Variants in CNTNAP2 observed in about 807,000 individuals in gnomAD.
The protein encoded by CNTNAP2 is contactin-associated protein-like 2.
Under a neutral mutation model 155.2 loss-of-function variants are expected in CNTNAP2, and 98 were observed. The observed-to-expected ratio is 0.63, with a 90% CI of 0.54 to 0.75. The LOEUF is 0.75. Ranked by LOEUF, CNTNAP2 falls within the 30% of genes least tolerant of loss-of-function variation. The probability of loss-of-function intolerance (pLI) is 0.00; values close to 1 mark genes in which losing one functional copy is unlikely to be tolerated. For synonymous variants in CNTNAP2, 651 were observed against 631.2 expected (o/e 1.03, Z -0.47); for missense variants, 1,727 against 1,688.1 (o/e 1.02, Z -0.40).
intron 1 of CNTNAP2, among the ~76,000 whole-genome samples, chr7:146,633,172 G>A (rs1388184611): frequency 6.6e-6 from 1 of 152,138 alleles, no homozygotes; most frequent in East Asian, 1.9e-4. Flanking sequence ...ACACCCCGTA[G>A]ATTATACTTT....
chr7:146,924,529 G>A (rs1466636175), intron 3 of CNTNAP2, among the ~76,000 whole-genome samples: 1 of 152,122 alleles, frequency 6.6e-6, no homozygotes, highest in South Asian at 2.1e-4. Context: ...TAGGAGGTCA[G>A]CAGAGGAGAC....
intron 3 of CNTNAP2, among the ~76,000 whole-genome samples, chr7:146,844,051 C>T (rs1803796860): frequency 6.6e-6 from 1 of 151,992 alleles, no homozygotes. Context: ...AAATGGACAA[C>T]ATAAGTAATT....
intron 13 of CNTNAP2, among the ~76,000 whole-genome samples, chr7:147,751,286 G>A (rs1466284505): frequency 6.6e-6 from 1 of 151,162 alleles, no homozygotes; most frequent in Non-Finnish European, 1.5e-5. Context: ...TTAGTTGCTA[G>A]TAGGTGGTTT....
intron 1 of CNTNAP2, among the ~76,000 whole-genome samples, chr7:146,353,806 A>C (rs989558618): frequency 1.3e-5 from 2 of 152,050 alleles, no homozygotes; most frequent in African/African-American, 4.8e-5. Context: ...TAATAATAAT[A>C]AACTCCTCTG....
At chr7:146,469,989 A>G (rs1408701969) in intron 1 of CNTNAP2, among the ~76,000 whole-genome samples, 1 of 151,574 alleles carries the variant, frequency 6.6e-6, no homozygotes, top group East Asian at 2.0e-4. Flanking sequence ...ACAGGTGCCC[A>G]CCACCACGCC....
intron 1 of CNTNAP2, among the ~76,000 whole-genome samples, chr7:146,432,884 G>A (rs921246778): frequency 6.6e-6 from 1 of 152,150 alleles, no homozygotes; most frequent in Non-Finnish European, 1.5e-5. Flanking sequence ...GAGCACTAAT[G>A]AGTTGTAAGT....
chr7:146,388,755 C>G (rs1232678097), intron 1 of CNTNAP2, among the ~76,000 whole-genome samples: 1 of 152,116 alleles, frequency 6.6e-6, no homozygotes, highest in African/African-American at 2.4e-5. Context: ...TCCTCACCAG[C>G]CCCCCACTAC....
chr7:146,147,984 G>A (rs1797980263), intron 1 of CNTNAP2, among the ~76,000 whole-genome samples: 1 of 151,990 alleles, frequency 6.6e-6, no homozygotes, highest in African/African-American at 2.4e-5. Context: ...TTTTAGATAT[G>A]AATTGCAGAA....
chr7:146,599,171 C>A (rs547590691), intron 1 of CNTNAP2, among the ~76,000 whole-genome samples: 1 of 152,200 alleles, frequency 6.6e-6, no homozygotes, highest in East Asian at 1.9e-4. Context: ...TTTCTCTTAC[C>A]TAAATTATTG....
intron 1 of CNTNAP2, among the ~76,000 whole-genome samples, chr7:146,351,266 A>G (rs1011395647): frequency 1.3e-5 from 2 of 152,194 alleles, no homozygotes; most frequent in African/African-American, 2.4e-5. Flanking sequence ...ACTTGAAAAA[A>G]AAGTTGCAAT....
At chr7:147,711,038 C>T (rs1015546035) in intron 13 of CNTNAP2, among the ~76,000 whole-genome samples, 60 of 152,160 alleles carry the variant, frequency 3.9e-4, no homozygotes, top group Admixed American at 5.2e-4. Flanking sequence ...TCTCGTAATA[C>T]AGCACATCCC....
At chr7:148,185,062 G>C (rs995252047) in intron 18 of CNTNAP2, among the ~76,000 whole-genome samples, 1 of 152,300 alleles carries the variant, frequency 6.6e-6, no homozygotes, top group Middle Eastern at 3.4e-3. Flanking sequence ...TGTGTTGTTA[G>C]TGTTGCCATA....
chr7:146,996,059 G>A (rs6954839), intron 3 of CNTNAP2, among the ~76,000 whole-genome samples: 142,443 of 152,026 alleles, frequency 0.94, 66,833 homozygotes, highest in East Asian at 1. Context: ...TTTAAGTCTT[G>A]TTCCATTTTT....
At chr7:147,456,244 T>G (rs968283650) in intron 10 of CNTNAP2, among the ~76,000 whole-genome samples, 1 of 152,044 alleles carries the variant, frequency 6.6e-6, no homozygotes, top group African/African-American at 2.4e-5. Context: ...ATATTGGAGA[T>G]CTATGACAAA....
chr7:147,012,356 C>A (rs1376656539), intron 3 of CNTNAP2, among the ~76,000 whole-genome samples: 1 of 152,034 alleles, frequency 6.6e-6, no homozygotes, highest in Non-Finnish European at 1.5e-5. Context: ...AAAAGTCAGC[C>A]AGCAGCTTAC....
At chr7:146,396,399 C>T (rs34086340) in intron 1 of CNTNAP2, among the ~76,000 whole-genome samples, 55,351 of 151,582 alleles carry the variant, frequency 0.37, 10,822 homozygotes, top group African/African-American at 0.49. Context: ...TATTTTTAAA[C>T]GAATCTTATG....
intron 2 of CNTNAP2, among the ~76,000 whole-genome samples, chr7:146,815,737 T>A (rs899614801): frequency 6.6e-6 from 1 of 151,432 alleles, no homozygotes; most frequent in Non-Finnish European, 1.5e-5. Context: ...GTTTTGAAGA[T>A]TAAATGTAGT....
chr7:147,577,386 T>C (rs1248384126), intron 12 of CNTNAP2, among the ~76,000 whole-genome samples: 1 of 152,078 alleles, frequency 6.6e-6, no homozygotes. Context: ...ATTAATATAA[T>C]AGTTTCTTCT....
chr7:146,673,304 C>T (rs1800340894), intron 1 of CNTNAP2, among the ~76,000 whole-genome samples: 1 of 152,104 alleles, frequency 6.6e-6, no homozygotes, highest in South Asian at 2.1e-4. Context: ...TTACCATGTT[C>T]ATTTCAGTTT....
Sources: gnomAD v4.1 joint callset for allele counts (sites outside exome capture counted in the v4.1 genomes callset) on GRCh38, gnomAD v4.1.1 for gene constraint, MANE v1.5 for transcripts, NCBI Gene and HGNC (gene_info 2026-07-23, HGNC 2026-07-21) for gene names.